Variants in PLD5 observed in about 807,000 individuals in gnomAD.
PLD5 encodes the protein inactive phospholipase D5.
In PLD5, 36 loss-of-function variants were observed where a neutral mutation model predicts 61.1. That is an observed-to-expected ratio of 0.59 (90% CI 0.45 to 0.78). PLD5 has a LOEUF of 0.78. PLD5 is among the 30% of genes least tolerant of loss of function. The pLI is 0.00. For synonymous variants in PLD5, 243 were observed against 242.8 expected, an observed-to-expected ratio of 1.00 and a Z score of -0.01; for missense variants, 515 against 644.4, an observed-to-expected ratio of 0.80 and a Z score of 2.17.
intron 5 of PLD5, among the ~76,000 whole-genome samples, chr1:242,155,229 T>C (rs1665261023): frequency 6.6e-6 from 1 of 152,138 alleles, no homozygotes; most frequent in Non-Finnish European, 1.5e-5. Flanking sequence ...GTCTATTTGA[T>C]TCTTCTCTTT....
At chr1:242,312,312 T>C (rs1676743220) in intron 2 of PLD5, among the ~76,000 whole-genome samples, 1 of 152,058 alleles carries the variant, frequency 6.6e-6, no homozygotes, top group Non-Finnish European at 1.5e-5. Context: ...CCTCTCCCAG[T>C]CTTTGAAGAC....
At chr1:242,497,113 C>T (rs557319763) in intron 1 of PLD5, among the ~76,000 whole-genome samples, 2 of 152,158 alleles carry the variant, frequency 1.3e-5, no homozygotes, top group South Asian at 2.1e-4. Context: ...AAGGGAGATA[C>T]GAAGTTCTAT....
chr1:242,273,646 C>T (rs978739030), intron 3 of PLD5, among the ~76,000 whole-genome samples: 14 of 152,164 alleles, frequency 9.2e-5, no homozygotes, highest in African/African-American at 3.4e-4. Context: ...GTCAATGTTA[C>T]CTTATTTGGA....
At chr1:242,455,321 T>C (rs913140049) in intron 1 of PLD5, among the ~76,000 whole-genome samples, 8 of 148,296 alleles carry the variant, frequency 5.4e-5, no homozygotes, top group African/African-American at 2.1e-4. Flanking sequence ...TGGAGCTCAC[T>C]GGATTGATTT....
At chr1:242,197,523 T>C (rs1558331916) in intron 5 of PLD5, among the ~76,000 whole-genome samples, 1 of 152,146 alleles carries the variant, frequency 6.6e-6, no homozygotes, top group East Asian at 1.9e-4. Context: ...AAAACCTTTC[T>C]CCCCTTTCTC....
At chr1:242,189,274 G>A (rs528419717) in intron 5 of PLD5, among the ~76,000 whole-genome samples, 26 of 151,988 alleles carry the variant, frequency 1.7e-4, no homozygotes, top group Non-Finnish European at 2.4e-4. Context: ...GTGAAACCTC[G>A]TCTCTACTAA....
At chr1:242,115,865 G>A (rs922593919) in intron 6 of PLD5, among the ~76,000 whole-genome samples, 2 of 152,142 alleles carry the variant, frequency 1.3e-5, no homozygotes, top group African/African-American at 4.8e-5. Flanking sequence ...AATTCTGCTT[G>A]AGGCATTTTT....
At chr1:242,091,821 TTTC>T (rs1484972482) in intron 9 of PLD5, among the ~76,000 whole-genome samples, 2 of 107,140 alleles carry the variant, frequency 1.9e-5, no homozygotes, top group Non-Finnish European at 3.7e-5. Context: ...TTTCTTTTCT[TTTC>T]TTTTTTTCTT....
rs2810008 is a variant in PLD5 at position 242,524,088 on chromosome 1, G to C, written c.189C>G (p.His63Gln). The C allele has an allele frequency of 1.3e-6, 2 of 1,533,358 alleles. No homozygotes were observed. Among genetic ancestry groups the C allele is most frequent in the Non-Finnish European group, 1.7e-6 (2 of 1,145,440 alleles). 95.0% of individuals were successfully genotyped at this position (1,533,358 alleles called of 1,614,324 possible). Residue 63 changes from histidine to glutamine, a missense_variant and splice_region_variant, in exon 1 of 10, where the codon CAC becomes CAG. This residue lies in a region of PLD5 where 450 missense variants were observed against 598.1 expected (regional missense o/e 0.75). Coordinates refer to ENST00000536534, the MANE Select transcript of PLD5 (RefSeq NM_001372062.1). ...VWLRRKDKLE[H>Q]SQQKCIVIFA... ...GCCCCCGGGAGCGAGTCGCCCTTAC[G>C]TGCTCCAGCTTGTCTTTCCTCCGAA...
chr1:242,430,538 C>T (rs1039889732), intron 1 of PLD5, among the ~76,000 whole-genome samples: 5 of 152,152 alleles, frequency 3.3e-5, no homozygotes, highest in Non-Finnish European at 5.9e-5. Context: ...ACACACATTC[C>T]ATCCATAACA....
intron 5 of PLD5, among the ~76,000 whole-genome samples, chr1:242,185,190 T>C (rs1427728078): frequency 6.6e-6 from 1 of 152,120 alleles, no homozygotes; most frequent in Non-Finnish European, 1.5e-5. Context: ...ACTGGCCCCA[T>C]ATAATCAACG....
intron 6 of PLD5, among the ~76,000 whole-genome samples, chr1:242,115,329 T>A (rs994042099): frequency 3.9e-5 from 6 of 152,218 alleles, no homozygotes; most frequent in African/African-American, 1.4e-4. Context: ...GGACCACTGC[T>A]ATAGAACAAT....
At chr1:242,325,551 G>T (rs112330776) in intron 2 of PLD5, among the ~76,000 whole-genome samples, 3 of 152,088 alleles carry the variant, frequency 2.0e-5, no homozygotes, top group Non-Finnish European at 4.4e-5. Context: ...AGGCTGGAGT[G>T]CAGTGGCGCG....
intron 1 of PLD5, among the ~76,000 whole-genome samples, chr1:242,507,257 G>C (rs1668758249): frequency 6.6e-6 from 1 of 152,114 alleles, no homozygotes; most frequent in Non-Finnish European, 1.5e-5. Flanking sequence ...TAATGTATTT[G>C]GTCTAAATTT....
chr1:242,443,680 C>T (rs1295156765), intron 1 of PLD5, among the ~76,000 whole-genome samples: 3 of 152,102 alleles, frequency 2.0e-5, no homozygotes, highest in African/African-American at 4.8e-5. Context: ...CCTGAAGCAC[C>T]TAAGAAAGTT....
chr1:242,185,020 T>C (rs1667781657), intron 5 of PLD5, among the ~76,000 whole-genome samples: 1 of 152,172 alleles, frequency 6.6e-6, no homozygotes, highest in South Asian at 2.1e-4. Context: ...GCAGGTAGTT[T>C]GACCTGCTGA....
chr1:242,370,365 A>G (rs931362145), intron 1 of PLD5, among the ~76,000 whole-genome samples: 1 of 152,204 alleles, frequency 6.6e-6, no homozygotes, highest in African/African-American at 2.4e-5. Context: ...CAATTCAGAA[A>G]TGTGGCCTCA....
chr1:242,449,686 A>C (rs1430755447), intron 1 of PLD5, among the ~76,000 whole-genome samples: 2 of 152,094 alleles, frequency 1.3e-5, no homozygotes, highest in Non-Finnish European at 2.9e-5. Context: ...TTTTCCTTTT[A>C]ATCTGAGAGG....
At chr1:242,448,600 G>A (rs1469318882) in intron 1 of PLD5, among the ~76,000 whole-genome samples, 1 of 152,114 alleles carries the variant, frequency 6.6e-6, no homozygotes, top group Non-Finnish European at 1.5e-5. Context: ...CTTGTATCAT[G>A]GGTGATTGGG....
Sources: allele counts gnomAD v4.1 joint callset (sites outside exome capture counted in the v4.1 genomes callset), GRCh38; gene constraint gnomAD v4.1.1; regional missense constraint gnomAD v4.1.1; transcripts MANE v1.5; gene names NCBI Gene and HGNC (gene_info 2026-07-23, HGNC 2026-07-21).